Variants in B4GALT5 observed in about 807,000 individuals in gnomAD.
B4GALT5 encodes the protein beta-1,4-galactosyltransferase 5.
B4GALT5 carries 11 observed loss-of-function variants against 45.0 expected under a neutral mutation model. The observed-to-expected ratio is 0.24, with a 90% CI of 0.15 to 0.40. The LOEUF (loss-of-function observed/expected upper bound fraction) is 0.40, where lower values mean the gene tolerates loss of function less well. Among genes scored for constraint, B4GALT5 ranks in the 10% least tolerant of loss-of-function variants. The probability of loss-of-function intolerance (pLI) is 1.00; values close to 1 mark genes in which losing one functional copy is unlikely to be tolerated. For missense variants in B4GALT5, 337 were observed against 500.2 expected (o/e 0.67, Z 3.11); for synonymous variants, 185 against 182.9 (o/e 1.01, Z -0.09).
intron 6 of B4GALT5, 118 bp from the exon 7 acceptor site, chr20:49,639,918 G>T: frequency 7.4e-7 from 1 of 1,358,902 alleles, no homozygotes; most frequent in Non-Finnish European, 1.0e-6. Context: ...TGAACCATAT[G>T]AATGTATCAA....
At position 49,633,832 on chromosome 20, in the gene B4GALT5, A is replaced by C. The variant is rs1984439013; in HGVS notation, c.*2480T>G. ...CTGGCAAATCCTTCCAAATGACATC[A>C]TAGTGTTGTCACATTGAAAGCAACT... On this transcript the variant is annotated 3_prime_UTR_variant, in exon 9 of 9. Transcript: ENST00000371711. 1 of 152,544 alleles carries C rather than the reference A, an allele frequency of 6.6e-6. No individual in the cohort carries two copies. Among genetic ancestry groups the C allele is most frequent in the African/African-American group, 2.4e-5 (1 of 41,414 alleles). The allele number at this position is 152,544 out of a possible 1,614,324, so 9.4% of individuals were successfully genotyped here. A position where few individuals can be genotyped will look rare whatever the true frequency, so the allele number is the denominator to read the frequency against.
chr20:49,671,118 C>T (rs1432895361), intron 1 of B4GALT5, among the ~76,000 whole-genome samples: 3 of 152,178 alleles, frequency 2.0e-5, no homozygotes, highest in African/African-American at 4.8e-5. Context: ...GTGGCTCATG[C>T]CTATAATCCC....
In B4GALT5 at chr20:49,713,651, A is replaced by G; in HGVS notation, c.40T>C (p.Ser14Pro). ...AAGAAGAAGAGCGCGGCGAGCAGCG[A>G]GCGGCGCGGCAGCCGCAGCAGCCCC... ...RRGLLRLPRR[S>P]LLAALFFFSL... Residue 14 changes from serine (S) to proline (P), a missense_variant, in exon 1 of 9, where the codon TCG (serine) becomes CCG (proline). Transcript: ENST00000371711. The G allele has an allele frequency of 6.4e-7, 1 of 1,568,630 alleles. No individual in the cohort carries two copies. The highest frequency in any genetic ancestry group is 8.6e-7 in the Non-Finnish European group (1 of 1,160,118).
chr20:49,712,414 T>G, intron 1 of B4GALT5, among the ~76,000 whole-genome samples: 1 of 148,842 alleles, frequency 6.7e-6, no homozygotes, highest in Non-Finnish European at 1.5e-5. Flanking sequence ...GATCTCTTCC[T>G]GTCCTAACTG....
chr20:49,660,518 C>T (rs1156859366), intron 1 of B4GALT5, among the ~76,000 whole-genome samples: 1 of 152,206 alleles, frequency 6.6e-6, no homozygotes, highest in Non-Finnish European at 1.5e-5. Flanking sequence ...TCAATCTTTG[C>T]TGAATGTTGT....
chr20:49,674,081 C>A (rs1375294037), intron 1 of B4GALT5, among the ~76,000 whole-genome samples: 216 of 94,528 alleles, frequency 2.3e-3, no homozygotes, highest in Middle Eastern at 5.8e-3. Context: ...ATTAAAAATA[C>A]AAAAAAAAAA....
intron 1 of B4GALT5, among the ~76,000 whole-genome samples, chr20:49,696,731 A>T (rs1412261585): frequency 2.0e-5 from 3 of 152,222 alleles, no homozygotes; most frequent in African/African-American, 7.2e-5. Context: ...GTTATGAATA[A>T]ATTACTGCAA....
intron 4 of B4GALT5, 29 bp downstream of exon 4, chr20:49,643,489 GGCTTCTCA>G: frequency 6.2e-7 from 1 of 1,609,926 alleles, no homozygotes; most frequent in Non-Finnish European, 8.5e-7. Context: ...ACCCCAGGTG[GGCTTCTCA>G]GCATTTTGGC....
At chr20:49,672,736 A>C (rs1320687785) in intron 1 of B4GALT5, among the ~76,000 whole-genome samples, 1 of 152,192 alleles carries the variant, frequency 6.6e-6, no homozygotes, top group Non-Finnish European at 1.5e-5. Context: ...GGTGGCTCAC[A>C]CCTATAATCC....
At chr20:49,641,307 G>T (rs1009613732) in intron 5 of B4GALT5, among the ~76,000 whole-genome samples, 2 of 152,204 alleles carry the variant, frequency 1.3e-5, no homozygotes, top group African/African-American at 4.8e-5. Context: ...CTTACCACTT[G>T]CTCTTCAGCA....
intron 1 of B4GALT5, among the ~76,000 whole-genome samples, chr20:49,685,706 T>C (rs1278846409): frequency 6.6e-6 from 1 of 152,046 alleles, no homozygotes; most frequent in African/African-American, 2.4e-5. Flanking sequence ...ATCCAGACAA[T>C]AGGTAGAAAA....
chr20:49,661,701 C>T (rs1469819615), intron 1 of B4GALT5, among the ~76,000 whole-genome samples: 2 of 152,118 alleles, frequency 1.3e-5, no homozygotes, highest in African/African-American at 2.4e-5. Flanking sequence ...TTTCAGGCAC[C>T]GTACGAGGGC....
rs1914609555 is a variant in B4GALT5, at chr20:49,704,437, CG to C, written c.115+9138del. Among the ~76,000 whole-genome samples, 6 of 152,258 alleles carry C rather than the reference CG, an allele frequency of 3.9e-5. No individual in the cohort carries two copies. The South Asian group carries it at 1.2e-3, about 32-fold the overall frequency. On this transcript the variant is annotated intron_variant, in intron 1 of 8. Coordinates refer to ENST00000371711, the MANE Select transcript of B4GALT5 (RefSeq NM_004776.4). ...ACTGACATGTAAAAACACAACATTG[CG>C]GCCGGGCGCGGTGGCTCACGCCTGT...
intron 1 of B4GALT5, among the ~76,000 whole-genome samples, chr20:49,695,651 T>A (rs1311824924): frequency 2.6e-5 from 4 of 152,224 alleles, no homozygotes; most frequent in Non-Finnish European, 4.4e-5. Flanking sequence ...CCTCAGGTGT[T>A]TGGCCTCCCA....
At chr20:49,648,513 G>A (rs2085608183) in intron 2 of B4GALT5, among the ~76,000 whole-genome samples, 1 of 152,056 alleles carries the variant, frequency 6.6e-6, no homozygotes, top group Admixed American at 6.5e-5. Context: ...GGGATCCTGG[G>A]GTGGTTGCTG....
intron 1 of B4GALT5, among the ~76,000 whole-genome samples, chr20:49,709,321 AG>A (rs1454775635): frequency 2.0e-5 from 3 of 152,222 alleles, no homozygotes; most frequent in Non-Finnish European, 2.9e-5. Context: ...CAGAGGGTAG[AG>A]GGTTGAAGAG....
chr20:49,663,675 G>GAAA lies in B4GALT5; in HGVS notation c.116-6976_116-6974dup, dbSNP rs869246702. Among the ~76,000 whole-genome samples the GAAA allele has an allele frequency of 9.3e-3, 28 of 3,004 alleles. 3 individuals carry two copies. The highest frequency in any genetic ancestry group is 0.021 in the African/African-American group (25 of 1,190). The allele number at this position is 3,004 out of a possible 152,430, so 2.0% of individuals were successfully genotyped here. A position where few individuals can be genotyped will look rare whatever the true frequency, so the allele number is the denominator to read the frequency against. Reference sequence around the variant, plus strand: ...GCAACATAGTGAGAATTCATCTCAAGAAAAAAAAAAAAAAAATATATACAT... The same window carrying GAAA: ...GCAACATAGTGAGAATTCATCTCAAGAAAAAAAAAAAAAAAAAAATATATACAT... On this transcript the variant is annotated intron_variant, in intron 1 of 8. Transcript: ENST00000371711.
intron 2 of B4GALT5, among the ~76,000 whole-genome samples, chr20:49,647,640 T>C (rs1319941222): frequency 6.6e-6 from 1 of 152,258 alleles, no homozygotes; most frequent in African/African-American, 2.4e-5. Flanking sequence ...TGTTAAGTAC[T>C]AGTCGTCGCT....
At chr20:49,682,364 G>A (rs192859802) in intron 1 of B4GALT5, among the ~76,000 whole-genome samples, 63 of 152,200 alleles carry the variant, frequency 4.1e-4, no homozygotes, top group Non-Finnish European at 7.4e-4. Context: ...CCTTCGCAGA[G>A]CAAGTCTGTC....
Sources: allele counts gnomAD v4.1 joint callset (sites outside exome capture counted in the v4.1 genomes callset), GRCh38; gene constraint gnomAD v4.1.1; transcripts MANE v1.5; gene names NCBI Gene and HGNC (gene_info 2026-07-23, HGNC 2026-07-21).